Variants in FBXW11 observed in about 807,000 individuals in gnomAD.
FBXW11 encodes the protein F-box/WD repeat-containing protein 11.
FBXW11 carries 19 observed loss-of-function variants against 77.6 expected under a neutral mutation model. The observed-to-expected ratio is 0.24, with a 90% confidence interval of 0.17 to 0.36. The LOEUF (loss-of-function observed/expected upper bound fraction) is 0.36. Among genes scored for constraint, FBXW11 ranks in the 10% least tolerant of loss-of-function variants. The probability of loss-of-function intolerance (pLI) is 1.00; values close to 1 mark genes in which losing one functional copy is unlikely to be tolerated. For missense variants in FBXW11, 334 were observed against 704.2 expected, an observed-to-expected ratio of 0.47 and a Z score of 5.95; for synonymous variants, 235 against 249.4, an observed-to-expected ratio of 0.94 and a Z score of 0.54.
intron 1 of FBXW11, among the ~76,000 whole-genome samples, chr5:171,970,696 A>G (rs1406780256): frequency 3.3e-5 from 5 of 152,192 alleles, no homozygotes; most frequent in Admixed American, 3.3e-4. Context: ...TGGTAATAAA[A>G]ATTTTGCTTC....
rs2113750266 is a variant in FBXW11, at chr5:171,869,698, G to A, written c.1530+31C>T. On this transcript the variant is annotated intron_variant, in intron 12 of 13. Transcript: ENST00000517395. The surrounding 1 kb of genome is among the most constrained non-coding windows in gnomAD (Gnocchi z 4.1). ...GCAAATGGTCATCCTCCAGCACAGG[G>A]AACCAATTCCCGTCTCAAGAGATCA... is the stretch of plus-strand genomic sequence containing the variant. The A allele has an allele frequency of 1.3e-6, 2 of 1,569,650 alleles. No individual in the cohort carries two copies. Among genetic ancestry groups the A allele is most frequent in the African/African-American group, 1.4e-5 (1 of 73,438 alleles).
intron 7 of FBXW11, among the ~76,000 whole-genome samples, chr5:171,886,727 C>T (rs947017338): frequency 2.0e-5 from 3 of 151,848 alleles, no homozygotes; most frequent in Non-Finnish European, 2.9e-5. Context: ...AAATAGAGTT[C>T]GGTGGGCCAG....
At chr5:171,909,685 ATGTGTGTG>A (rs111850090) in intron 4 of FBXW11, among the ~76,000 whole-genome samples, 2 of 149,966 alleles carry the variant, frequency 1.3e-5, no homozygotes, top group East Asian at 3.9e-4. Flanking sequence ...ATTTAACCAG[ATGTGTGTG>A]TGTGTGTGTG....
intron 1 of FBXW11, among the ~76,000 whole-genome samples, chr5:172,003,590 T>G (rs1045437546): frequency 6.6e-6 from 1 of 152,164 alleles, no homozygotes. Context: ...AACTGTAAAT[T>G]CAGGGTCTAA....
chr5:171,905,431 A>G (rs1760413952), intron 4 of FBXW11, among the ~76,000 whole-genome samples: 1 of 152,176 alleles, frequency 6.6e-6, no homozygotes, highest in Non-Finnish European at 1.5e-5. Context: ...ATACGTAAAG[A>G]GCTAGGTAAA....
At chr5:171,948,783 C>A (rs866294555) in intron 2 of FBXW11, among the ~76,000 whole-genome samples, 1 of 152,148 alleles carries the variant, frequency 6.6e-6, no homozygotes, top group Non-Finnish European at 1.5e-5. Context: ...CATTTACCCA[C>A]GTCCCTATCC....
At position 171,930,755 on chromosome 5, in the gene FBXW11, AAAAAAAT is replaced by A. The variant is rs1464141249; in HGVS notation, c.148-16357_148-16351del. Reference sequence around the variant, plus strand: ...AAATAAAAAATAAAAAATAAAAAATAAAAAAATAAAAAAAAAAAAAAGAAAAACTGAA... The same window carrying A: ...AAATAAAAAATAAAAAATAAAAAATAAAAAAAAAAAAAAAGAAAAACTGAA... On this transcript the variant is annotated intron_variant, in intron 2 of 13. Transcript: ENST00000517395. Among the ~76,000 whole-genome samples the A allele has an allele frequency of 3.3e-4, 17 of 52,150 alleles. No homozygotes were observed. The East Asian group carries it at 4.8e-3, about 15-fold the overall frequency. 34.2% of individuals were successfully genotyped at this position (52,150 alleles called of 152,430 possible). A position where few individuals can be genotyped will look rare whatever the true frequency, so the allele number is the denominator to read the frequency against.
intron 9 of FBXW11, among the ~76,000 whole-genome samples, chr5:171,873,745 G>A (rs1170252976): frequency 1.3e-5 from 2 of 152,214 alleles, no homozygotes; most frequent in Non-Finnish European, 2.9e-5. Flanking sequence ...TTGTATGTAT[G>A]CAGAATAAAT....
chr5:171,866,662 T>C (rs1407796909), intron 13 of FBXW11, among the ~76,000 whole-genome samples: 1 of 152,190 alleles, frequency 6.6e-6, no homozygotes. Context: ...AAGAAAACCA[T>C]AATATGGATG....
chr5:171,992,007 C>T (rs939074548), intron 1 of FBXW11, among the ~76,000 whole-genome samples: 8 of 150,676 alleles, frequency 5.3e-5, no homozygotes, highest in Admixed American at 1.3e-4. Flanking sequence ...CCCAGCTACT[C>T]GGGAGGCTGA....
intron 4 of FBXW11, among the ~76,000 whole-genome samples, chr5:171,902,747 T>C (rs1256728561): frequency 6.6e-6 from 1 of 152,258 alleles, no homozygotes; most frequent in African/African-American, 2.4e-5. Context: ...TTCTACAATT[T>C]GAAAAATCAC....
At chr5:171,935,132 T>C (rs866488707) in intron 2 of FBXW11, among the ~76,000 whole-genome samples, 73 of 152,214 alleles carry the variant, frequency 4.8e-4, no homozygotes, top group African/African-American at 1.7e-3. Context: ...TTTGTTTTTG[T>C]ATTTTTAGTA....
At chr5:171,962,455 C>G (rs923851233) in intron 1 of FBXW11, among the ~76,000 whole-genome samples, 2 of 152,120 alleles carry the variant, frequency 1.3e-5, no homozygotes, top group African/African-American at 2.4e-5. Context: ...ATATTAACAG[C>G]TAATACCTAA....
intron 1 of FBXW11, among the ~76,000 whole-genome samples, chr5:171,972,502 T>TTAA (rs768678185): frequency 6.2e-5 from 3 of 48,218 alleles, no homozygotes; most frequent in African/African-American, 2.0e-4. Flanking sequence ...CTCTGTCTCA[T>TTAA]AAAAAAAAAA....
Position 171,869,933 on chromosome 5 carries a change from T to C in FBXW11, c.1452-126A>G, listed in dbSNP as rs189006341. 103 of 499,204 alleles carry C rather than the reference T, an allele frequency of 2.1e-4. No individual in the cohort carries two copies. The highest frequency in any genetic ancestry group is 2.0e-3 in the Admixed American group (49 of 24,518). The allele number at this position is 499,204 out of a possible 1,614,324, so 30.9% of individuals were successfully genotyped here. On this transcript the variant is annotated intron_variant, in intron 11 of 13. Coordinates refer to ENST00000517395, the MANE Select transcript of FBXW11 (RefSeq NM_001378974.1). The surrounding 1 kb of genome is among the most constrained non-coding windows in gnomAD (Gnocchi z 4.1). ...TAAAAGCTAATGGGGAACATGCTTA[T>C]GTTTTTACAAATCATCTGAACCAAT...
At position 171,966,601 on chromosome 5, in the gene FBXW11, C is replaced by G. The variant is rs556804978; in HGVS notation, c.46-8903G>C. ...GCCAAGGGGGAACAGAATCCCCCAG[C>G]AAGCTCAAGGTTAAATCAGTCTGAA... On this transcript the variant is annotated intron_variant, in intron 1 of 13. Coordinates refer to ENST00000517395, the MANE Select transcript of FBXW11 (RefSeq NM_001378974.1). Among the ~76,000 whole-genome samples the G allele has an allele frequency of 3.9e-5, 6 of 152,256 alleles. No individual in the cohort carries two copies. In the East Asian group the frequency reaches 5.8e-4, roughly 15 times the overall value.
chr5:171,996,907 C>T (rs754644040), intron 1 of FBXW11: 1 of 1,287,878 alleles, frequency 7.8e-7, no homozygotes, highest in African/African-American at 1.5e-5. Context: ...ATATTTTGTA[C>T]TTCAGATCCA....
Position 171,916,902 on chromosome 5 carries a change from G to GT in FBXW11, c.148-2498dup, listed in dbSNP as rs542125951. 4.1e-4 allele frequency among the ~76,000 whole-genome samples: 63 copies of GT among 152,148 alleles called. 3 individuals are homozygous for GT. The South Asian group carries it at 0.011, about 26-fold the overall frequency. Reference sequence around the variant, plus strand: ...TATATATGGTTTTGTTTTGTTTTCTGTTTTTTGTGGGGTTTTTTTGTTTTG... The same window carrying GT: ...TATATATGGTTTTGTTTTGTTTTCTGTTTTTTTGTGGGGTTTTTTTGTTTTG... On this transcript the variant is annotated intron_variant, in intron 2 of 13. Transcript: ENST00000517395.
chr5:171,983,110 A>G (rs1207350349), intron 1 of FBXW11, among the ~76,000 whole-genome samples: 1 of 152,150 alleles, frequency 6.6e-6, no homozygotes, highest in Non-Finnish European at 1.5e-5. Flanking sequence ...GGATTGCTTA[A>G]GCCCGAAAGG....
Sources: gnomAD v4.1 joint callset for allele counts (sites outside exome capture counted in the v4.1 genomes callset) on GRCh38, gnomAD v4.1.1 for gene constraint, Gnocchi (gnomAD v3.1) non-coding constraint, MANE v1.5 for transcripts, NCBI Gene and HGNC (gene_info 2026-07-23, HGNC 2026-07-21) for gene names.